STPG2: variants seen among roughly 807,000 people sequenced by gnomAD.
STPG2 encodes sperm tail PG-rich repeat containing 2.
STPG2 carries 56 observed loss-of-function variants against 54.2 expected under a neutral mutation model. The ratio of observed to expected loss-of-function variants is 1.03; its 90% CI spans 0.83 to 1.29. The LOEUF (loss-of-function observed/expected upper bound fraction) is 1.29. Ranked by LOEUF, STPG2 falls within the 50% of genes most tolerant of loss-of-function variation. STPG2 has a pLI of 0.00. For missense variants in STPG2, 596 were observed against 544.9 expected (o/e 1.09, Z -0.93); for synonymous variants, 200 against 181.8 (o/e 1.10, Z -0.81).
chr4:98,103,278 T>C (rs1427029376), intron 5 of STPG2, among the ~76,000 whole-genome samples: 3 of 152,140 alleles, frequency 2.0e-5, no homozygotes, highest in African/African-American at 7.2e-5. Flanking sequence ...ATACACTTAT[T>C]AATAGTAATA....
intron 9 of STPG2, among the ~76,000 whole-genome samples, chr4:97,801,407 C>T (rs1295615022): frequency 6.6e-6 from 1 of 152,190 alleles, no homozygotes; most frequent in Non-Finnish European, 1.5e-5. Flanking sequence ...TTCATCCTTT[C>T]TACATCCCTT....
intron 5 of STPG2, among the ~76,000 whole-genome samples, chr4:98,052,040 T>C (rs1189254693): frequency 1.3e-5 from 2 of 150,518 alleles, no homozygotes; most frequent in Non-Finnish European, 2.9e-5. Context: ...TGAGCTGAGA[T>C]TGCATCATTG....
intron 8 of STPG2, among the ~76,000 whole-genome samples, chr4:97,938,309 T>A (rs1732826485): frequency 6.6e-6 from 1 of 152,154 alleles, no homozygotes; most frequent in African/African-American, 2.4e-5. Flanking sequence ...GAGTCCGGTG[T>A]CTTAAGCTGC....
At chr4:97,891,627 A>T (rs1730772926) in intron 8 of STPG2, among the ~76,000 whole-genome samples, 1 of 152,100 alleles carries the variant, frequency 6.6e-6, no homozygotes, top group Admixed American at 6.6e-5. Context: ...CCTATCTGAA[A>T]GCCAAAAATA....
At chr4:97,604,970 T>A (rs1733557305) in intron 10 of STPG2, among the ~76,000 whole-genome samples, 1 of 151,716 alleles carries the variant, frequency 6.6e-6, no homozygotes, top group Admixed American at 6.6e-5. Flanking sequence ...TTAGAATATA[T>A]CCTTATACTC....
chr4:97,746,029 T>C (rs1332360411), intron 9 of STPG2, among the ~76,000 whole-genome samples: 5 of 151,238 alleles, frequency 3.3e-5, no homozygotes, highest in Non-Finnish European at 7.4e-5. Flanking sequence ...GATGTTTCAA[T>C]AGCTGATTTC....
chr4:97,594,769 C>T (rs78582212), intron 10 of STPG2, among the ~76,000 whole-genome samples: 2,631 of 152,188 alleles, frequency 0.017, 68 homozygotes, highest in African/African-American at 0.059. Flanking sequence ...AAAGGGAACC[C>T]CATCAGGTTA....
intron 10 of STPG2, among the ~76,000 whole-genome samples, chr4:97,625,520 G>A (rs925141075): frequency 6.6e-6 from 1 of 152,042 alleles, no homozygotes; most frequent in African/African-American, 2.4e-5. Context: ...TCACCATATT[G>A]GTCAGGCTGG....
At chr4:97,740,866 T>A (rs1026643729) in intron 9 of STPG2, among the ~76,000 whole-genome samples, 14 of 152,208 alleles carry the variant, frequency 9.2e-5, no homozygotes, top group Admixed American at 2.6e-4. Context: ...AAAACTACTT[T>A]AAAGTTCATA....
rs537856385 is a variant in STPG2, at chr4:97,686,581, G to A, written c.1320+26118C>T. Among the ~76,000 whole-genome samples, 148 of 152,154 alleles carry A rather than the reference G, an allele frequency of 9.7e-4. No individual in the cohort carries two copies. In the Middle Eastern group the frequency reaches 0.01, roughly 10 times the overall value. On this transcript the variant is annotated intron_variant, in intron 10 of 10. Transcript: ENST00000295268. ...CCAGAGGCAAACTGGGAGAAGGCTG[G>A]TATTCTCAAGTTGTAATGAGTATTC...
At chr4:97,893,955 G>A (rs1360743115) in intron 8 of STPG2, among the ~76,000 whole-genome samples, 2 of 151,948 alleles carry the variant, frequency 1.3e-5, no homozygotes, top group African/African-American at 4.8e-5. Context: ...AAAAGTCGAT[G>A]GGGTATGAAA....
At chr4:97,459,364 A>G (rs1729602012) in intron 4 of STPG2, among the ~76,000 whole-genome samples, 1 of 152,022 alleles carries the variant, frequency 6.6e-6, no homozygotes, top group African/African-American at 2.4e-5. Context: ...TTCTGGTTAC[A>G]ATTCATCTTC....
intron 2 of STPG2, among the ~76,000 whole-genome samples, chr4:98,131,524 T>C (rs1739997619): frequency 2.6e-5 from 4 of 152,164 alleles, no homozygotes; most frequent in African/African-American, 7.2e-5. Context: ...CTGATATTAT[T>C]CAACAAAGTA....
At chr4:97,904,825 G>A (rs1362687211) in intron 8 of STPG2, among the ~76,000 whole-genome samples, 1 of 152,226 alleles carries the variant, frequency 6.6e-6, no homozygotes, top group Non-Finnish European at 1.5e-5. Context: ...AGGCTCAGAA[G>A]CCGATGCAAT....
chr4:97,581,957 A>G (rs1578403980), intron 10 of STPG2, among the ~76,000 whole-genome samples: 1 of 152,130 alleles, frequency 6.6e-6, no homozygotes, highest in East Asian at 1.9e-4. Flanking sequence ...CAATGGGAAA[A>G]AAATTATTCC....
intron 5 of STPG2, among the ~76,000 whole-genome samples, chr4:98,035,466 G>A (rs1293355736): frequency 6.6e-6 from 1 of 152,066 alleles, no homozygotes; most frequent in Non-Finnish European, 1.5e-5. Flanking sequence ...GAGAGGATGT[G>A]GAGAAATAGG....
intron 4 of STPG2, among the ~76,000 whole-genome samples, chr4:97,542,531 A>G (rs1024968231): frequency 6.6e-6 from 1 of 152,222 alleles, no homozygotes; most frequent in African/African-American, 2.4e-5. Context: ...GGGACTGTAA[A>G]CTAGTTCAAC....
intron 4 of STPG2, among the ~76,000 whole-genome samples, chr4:97,516,670 A>C (rs1218855974): frequency 6.6e-6 from 1 of 151,540 alleles, no homozygotes; most frequent in Non-Finnish European, 1.5e-5. Context: ...CTAAAAATAC[A>C]AAAAAAATTT....
intron 5 of STPG2, among the ~76,000 whole-genome samples, chr4:98,051,758 A>G (rs1737326886): frequency 6.6e-6 from 1 of 152,010 alleles, no homozygotes; most frequent in Non-Finnish European, 1.5e-5. Flanking sequence ...AGAAGAGAGG[A>G]CATATTGCTT....
Sources: gnomAD v4.1 joint callset for allele counts (sites outside exome capture counted in the v4.1 genomes callset) on GRCh38, gnomAD v4.1.1 for gene constraint, MANE v1.5 for transcripts, NCBI Gene and HGNC (gene_info 2026-07-23, HGNC 2026-07-21) for gene names.